The following STAB1 variants were observed in gnomAD, a reference collection of about 807,000 sequenced individuals.
STAB1 encodes stabilin-1.
In STAB1, 250 loss-of-function variants were observed where a neutral mutation model predicts 332.4. The ratio of observed to expected loss-of-function variants is 0.75; its 90% CI spans 0.68 to 0.84. STAB1 has a LOEUF of 0.84. Among genes scored for constraint, STAB1 ranks in the 40% least tolerant of loss-of-function variants. The pLI, the probability that STAB1 is intolerant of heterozygous loss-of-function variation, is 0.00. For missense variants in STAB1, 3,249 were observed against 3,489.7 expected (o/e 0.93, Z 1.74); for synonymous variants, 1,475 against 1,390.4 (o/e 1.06, Z -1.35).
intron 18 of STAB1, 72 bp from the exon 19 acceptor site, chr3:52,507,541 C>A: frequency 1.4e-6 from 2 of 1,478,794 alleles, no homozygotes; most frequent in South Asian, 2.5e-5. Context: ...ACTCAATGTT[C>A]CCTTCTCTGG....
At chr3:52,524,263 C>A (rs758459756) in intron 68 of STAB1, 37 bp from the exon 69 acceptor site, 2 of 1,613,924 alleles carry the variant, frequency 1.2e-6, no homozygotes, top group East Asian at 4.5e-5. Flanking sequence ...GGCCCAGGCC[C>A]TGGTCACACC....
Position 52,524,021 on chromosome 3 carries a change from G to C in STAB1, c.7542+4G>C, listed in dbSNP as rs1337950095. 6.2e-7 allele frequency: 1 copy of C among 1,612,122 alleles called. No homozygotes were observed. Among genetic ancestry groups the C allele is most frequent in the Non-Finnish European group, 8.5e-7 (1 of 1,179,656 alleles). ...CTTTGGCTTCTCTGCCTTCCAGGTAGGGCTGGGTTGGGGCTGCCATGGCGG... is the reference window on the plus strand; with the variant it reads ...CTTTGGCTTCTCTGCCTTCCAGGTACGGCTGGGTTGGGGCTGCCATGGCGG... On this transcript the variant is annotated splice_donor_region_variant and intron_variant, in intron 67 of 68. Transcript: ENST00000321725.
At position 52,519,817 on chromosome 3, in the gene STAB1, C is replaced by T. The variant is rs73841304; in HGVS notation, c.5236-127C>T. 113 of 1,287,888 alleles carry T rather than the reference C, an allele frequency of 8.8e-5. No homozygotes were observed. In the African/African-American group the frequency reaches 1.3e-3, roughly 15 times the overall value. 79.8% of individuals were successfully genotyped at this position (1,287,888 alleles called of 1,614,324 possible). ...GAGATGTGTGCACACACATGCCTGCCTGGGATGGTCACAGATGAGTGTGGG... is the reference window on the plus strand; with the variant it reads ...GAGATGTGTGCACACACATGCCTGCTTGGGATGGTCACAGATGAGTGTGGG... On this transcript the variant is annotated intron_variant, in intron 50 of 68. Coordinates refer to ENST00000321725, the MANE Select transcript of STAB1 (RefSeq NM_015136.3).
rs745703630 is a variant in STAB1, at chr3:52,519,345, C to T, written c.5116C>T (p.Arg1706Cys). The stretch of plus-strand genomic sequence containing the variant: ...GAACGGCATCCTGCACTTCATTGAC[C>T]GTGTCCTGCTGCCCCCCGAGGCGCT... ...AVNGILHFID[R>C]VLLPPEALHW... The change falls in exon 49 of 69, where the codon CGT (arginine) becomes TGT (cysteine). Residue 1706 changes from arginine (R) to cysteine (C), a missense_variant. Physicochemically the swap from Arg to Cys is radical, Grantham distance 180. Coordinates refer to ENST00000321725, the MANE Select transcript of STAB1 (RefSeq NM_015136.3). 8.1e-6 allele frequency: 13 copies of T among 1,613,126 alleles called. 1 individual carries two copies. Among genetic ancestry groups the T allele is most frequent in the Admixed American group, 1.7e-5 (1 of 60,022 alleles).
At chr3:52,508,575 A>C (rs1422650450) in intron 21 of STAB1, 1 of 563,854 alleles carries the variant, frequency 1.8e-6, no homozygotes, top group Non-Finnish European at 3.3e-6. Context: ...TAATCCCAGC[A>C]CTTTGAGACG....
At chr3:52,516,266 G>GGGGGGGGGGGGGGGC in intron 38 of STAB1, 28 bp downstream of exon 38, 1 of 794,424 alleles carries the variant, frequency 1.3e-6, no homozygotes, top group Non-Finnish European at 2.2e-6. Context: ...GCGGGGGTGG[G>GGGGGGGGGGGGGGGC]CCTCCTGGCA....
chr3:52,506,640 C>G, intron 17 of STAB1, 52 bp from the exon 18 acceptor site: 1 of 1,545,670 alleles, frequency 6.5e-7, no homozygotes, highest in South Asian at 1.2e-5. Flanking sequence ...GGCAGCCCCA[C>G]CGGGCCAAGG....
rs777847066 is a variant in STAB1, at chr3:52,504,430, C to G, written c.1151-31C>G. 13 of 1,611,242 alleles carry G rather than the reference C, an allele frequency of 8.1e-6. No individual in the cohort carries two copies. The Admixed American group carries it at 2.0e-4, about 25-fold the overall frequency. ...GAGATCCCCAGAGTCTCCCCAGCTCCCTTCTGATGCTCCCTCACCCTGCCC... is the reference window on the plus strand; with the variant it reads ...GAGATCCCCAGAGTCTCCCCAGCTCGCTTCTGATGCTCCCTCACCCTGCCC... On this transcript the variant is annotated intron_variant, in intron 10 of 68. Coordinates refer to ENST00000321725, the MANE Select transcript of STAB1 (RefSeq NM_015136.3).
At chr3:52,502,929 GGCCCCTTT>G in intron 6 of STAB1, 62 bp from the exon 7 acceptor site, 1 of 1,391,584 alleles carries the variant, frequency 7.2e-7, no homozygotes, top group Non-Finnish European at 9.7e-7. Context: ...GAACAGGCAA[GGCCCCTTT>G]GCCCCTGTGT....
Position 52,505,950 on chromosome 3 carries a change from T to C in STAB1, c.1749+14T>C. On this transcript the variant is annotated intron_variant, in intron 16 of 68. Coordinates refer to ENST00000321725, the MANE Select transcript of STAB1 (RefSeq NM_015136.3). The stretch of plus-strand genomic sequence containing the variant: ...AACCACGGCCAGGTGCGAGGTCTTT[T>C]TCTGGGGGGCGGCCAGCTTGTACCC... The C allele has an allele frequency of 5.0e-6, 8 of 1,613,324 alleles. No individual in the cohort carries two copies. Among genetic ancestry groups the C allele is most frequent in the Non-Finnish European group, 6.8e-6 (8 of 1,180,002 alleles).
At chr3:52,513,669 G>T in intron 30 of STAB1, 48 bp from the exon 31 acceptor site, 3 of 1,580,292 alleles carry the variant, frequency 1.9e-6, no homozygotes, top group East Asian at 2.3e-5. Context: ...CCACCTTTAA[G>T]GGTCTATCTG....
At chr3:52,522,274 G>C (rs1330507917) in intron 59 of STAB1, 44 bp downstream of exon 59, 1 of 1,611,294 alleles carries the variant, frequency 6.2e-7, no homozygotes, top group African/African-American at 1.3e-5. Flanking sequence ...GGGAGGCCTG[G>C]CAGAACTTCC....
Position 52,522,538 on chromosome 3 carries a change from A to AC in STAB1, c.6611-13dup, listed in dbSNP as rs1559725247. 6.2e-7 allele frequency: 1 copy of AC among 1,612,554 alleles called. No homozygotes were observed. On this transcript the variant is annotated splice_polypyrimidine_tract_variant and intron_variant, in intron 60 of 68. Coordinates refer to ENST00000321725, the MANE Select transcript of STAB1 (RefSeq NM_015136.3). Reference sequence around the variant, plus strand: ...CTCAGAGCCGGCCAGCTGACCATGCACCCCTCCATTCTGCAGAGAAACGGG... The same window carrying AC: ...CTCAGAGCCGGCCAGCTGACCATGCACCCCCTCCATTCTGCAGAGAAACGGG...
Position 52,509,260 on chromosome 3 carries a change from C to A in STAB1, c.2286C>A (p.Tyr762Ter). 1 of 1,613,520 alleles carries A rather than the reference C, an allele frequency of 6.2e-7. No individual in the cohort carries two copies. The highest frequency in any genetic ancestry group is 8.5e-7 in the Non-Finnish European group (1 of 1,180,002). The change falls in exon 22 of 69, where the codon TAC becomes TAA. Residue 762 changes from tyrosine (Y) to a stop codon, truncating the protein, a stop_gained. Coordinates refer to ENST00000321725, the MANE Select transcript of STAB1 (RefSeq NM_015136.3). LOFTEE classifies it high-confidence loss of function. ...GNGACLCFPD[Y>*]KGIACHICSN... ...GGGCCTGCCTCTGCTTCCCAGACTA[C>A]AAGGGCATCGCCTGCCACATCTGCT...
Position 52,524,065 on chromosome 3 carries a change from A to AGGC in STAB1, c.7543-33_7543-31dup, listed in dbSNP as rs772204390. ...ATGGCGGGTCCTTGGATCTCGCTTG[A>AGGC]GGCGCCTCGCCACTCACCCCTCTGC... On this transcript the variant is annotated intron_variant, in intron 67 of 68. Coordinates refer to ENST00000321725, the MANE Select transcript of STAB1 (RefSeq NM_015136.3). 41 of 1,612,718 alleles carry AGGC rather than the reference A, an allele frequency of 2.5e-5. 1 individual carries two copies. The African/African-American group carries it at 4.9e-4, about 19-fold the overall frequency.
chr3:52,513,178 G>T lies in STAB1; in HGVS notation c.3207G>T (p.Leu1069=). The T allele has an allele frequency of 6.3e-7, 1 of 1,585,450 alleles. No homozygotes were observed. Residue 1069 remains leucine (L), a synonymous_variant, in exon 30 of 69, where the codon CTG becomes CTT. Transcript: ENST00000321725. ...GALFEEELAR[L]GGQEVATLNP... Reference sequence around the variant, plus strand: ...TCTTCGAGGAGGAGCTGGCCCGGCTGGGTGGGCAGGAAGTGGCCACCCTGA... The same window carrying T: ...TCTTCGAGGAGGAGCTGGCCCGGCTTGGTGGGCAGGAAGTGGCCACCCTGA...
At chr3:52,499,416 C>T (rs949970528) in intron 1 of STAB1, among the ~76,000 whole-genome samples, 2 of 152,238 alleles carry the variant, frequency 1.3e-5, no homozygotes, top group African/African-American at 4.8e-5. Context: ...TCACATCTTC[C>T]ACGCCCCACC....
At chr3:52,521,339 A>G in intron 55 of STAB1, 22 bp from the exon 56 acceptor site, 1 of 1,613,406 alleles carries the variant, frequency 6.2e-7, no homozygotes, top group Non-Finnish European at 8.5e-7. Flanking sequence ...GCCCCACCTC[A>G]CTTCTCCTAC....
At chr3:52,506,316 C>T (rs1708861738) in intron 17 of STAB1, 66 bp downstream of exon 17, 11 of 1,433,858 alleles carry the variant, frequency 7.7e-6, no homozygotes, top group South Asian at 1.2e-5. Flanking sequence ...CTTGGCCTCT[C>T]AGCCTTGTGT....
Sources: gnomAD v4.1 joint callset for allele counts (sites outside exome capture counted in the v4.1 genomes callset) on GRCh38, gnomAD v4.1.1 for gene constraint, MANE v1.5 for transcripts, NCBI Gene and HGNC (gene_info 2026-07-23, HGNC 2026-07-21) for gene names.